The following CLMN variants were observed in gnomAD, a reference collection of about 807,000 sequenced individuals.
CLMN encodes the protein calmin, also known as calmin (calponin-like, transmembrane).
Under a neutral mutation model 92.7 loss-of-function variants are expected in CLMN, and 57 were observed. The ratio of observed to expected loss-of-function variants is 0.61; its 90% CI spans 0.50 to 0.77. The LOEUF (loss-of-function observed/expected upper bound fraction) is 0.77. CLMN is among the 30% of genes least tolerant of loss of function. The pLI is 0.00. For synonymous variants in CLMN, 466 were observed against 470.6 expected (o/e 0.99, Z 0.13); for missense variants, 1,158 against 1,237.5 (o/e 0.94, Z 0.96).
chr14:95,276,511 T>C (rs939417421), intron 1 of CLMN, among the ~76,000 whole-genome samples: 1 of 152,074 alleles, frequency 6.6e-6, no homozygotes, highest in Non-Finnish European at 1.5e-5. Flanking sequence ...GACTGACGAG[T>C]GGCTGGCTGA....
chr14:95,258,402 T>C (rs111206826), intron 1 of CLMN, among the ~76,000 whole-genome samples: 4,294 of 145,272 alleles, frequency 0.03, 86 homozygotes, highest in African/African-American at 0.051. Context: ...GTGTGTGTGA[T>C]CTGTGTGGTG....
intron 1 of CLMN, among the ~76,000 whole-genome samples, chr14:95,245,565 T>C (rs369022577): frequency 6.8e-6 from 1 of 148,078 alleles, no homozygotes; most frequent in African/African-American, 2.5e-5. Flanking sequence ...GATGGAGAGA[T>C]GGATGGATGA....
chr14:95,183,365 G>A lies in CLMN; in HGVS notation c.*8199C>T, dbSNP rs1223698035. 6.6e-6 allele frequency: 1 copy of A among 152,250 alleles called. No individual in the cohort carries two copies. The highest frequency in any genetic ancestry group is 1.9e-4 in the East Asian group (1 of 5,208). The allele number at this position is 152,250 out of a possible 1,614,324, so 9.4% of individuals were successfully genotyped here. A position where few individuals can be genotyped will look rare whatever the true frequency, so the allele number is the denominator to read the frequency against. On this transcript the variant is annotated 3_prime_UTR_variant, in exon 13 of 13. Coordinates refer to ENST00000298912, the MANE Select transcript of CLMN (RefSeq NM_024734.4). ...TTGATTTTTGCTGGGGCTAAAGGAA[G>A]TGGTAGCTATTGCAAACAGAATACA...
chr14:95,250,295 G>C (rs1337280824), intron 1 of CLMN, among the ~76,000 whole-genome samples: 1 of 152,208 alleles, frequency 6.6e-6, no homozygotes, highest in East Asian at 1.9e-4. Context: ...CATCATGTGT[G>C]ACGGTAAACA....
rs556793581 is a variant in CLMN at position 95,251,190 on chromosome 14, C to G, written c.83-21057G>C. Among the ~76,000 whole-genome samples, 3 of 152,280 alleles carry G rather than the reference C, an allele frequency of 2.0e-5. No individual in the cohort carries two copies. In the South Asian group the frequency reaches 6.2e-4, roughly 32 times the overall value. ...CAGGGCCAAAGGCAACGTCCATCTT[C>G]TTGGTTCTTAGACAATGATGATAAA... On this transcript the variant is annotated intron_variant, in intron 1 of 12. Transcript: ENST00000298912.
chr14:95,221,131 C>T (rs916053026), intron 4 of CLMN, among the ~76,000 whole-genome samples: 1 of 152,066 alleles, frequency 6.6e-6, no homozygotes, highest in Non-Finnish European at 1.5e-5. Context: ...ATTGGTGAAA[C>T]CTAATGAGAG....
chr14:95,314,672 C>T (rs74077902), intron 1 of CLMN, among the ~76,000 whole-genome samples: 8,574 of 152,272 alleles, frequency 0.056, 824 homozygotes, highest in East Asian at 0.45. Flanking sequence ...CTTCCGCAGC[C>T]GCACAATGCT....
At position 95,318,852 on chromosome 14, in the gene CLMN, T is replaced by C. The variant is rs113784000; in HGVS notation, c.82+859A>G. On this transcript the variant is annotated intron_variant, in intron 1 of 12. Transcript: ENST00000298912. ...AACACCTGTCTGTTGGGTGGATAGG[T>C]TGTGGAGGGGAAATTATGGGTGACT... Among the ~76,000 whole-genome samples the C allele has an allele frequency of 7.8e-3, 1,192 of 152,300 alleles. 17 individuals carry two copies. Among genetic ancestry groups the C allele is most frequent in the African/African-American group, 0.026 (1,061 of 41,558 alleles).
intron 4 of CLMN, among the ~76,000 whole-genome samples, chr14:95,216,311 G>A (rs1199683557): frequency 6.6e-6 from 1 of 152,170 alleles, no homozygotes; most frequent in African/African-American, 2.4e-5. Context: ...CTCCCACCAG[G>A]TCCCTCCCAC....
At chr14:95,303,953 G>A (rs1183841834) in intron 1 of CLMN, among the ~76,000 whole-genome samples, 6 of 152,180 alleles carry the variant, frequency 3.9e-5, no homozygotes, top group South Asian at 4.1e-4. Flanking sequence ...AACCCTCAAC[G>A]ATGGCAAGAA....
chr14:95,224,322 C>T (rs1210783499), intron 2 of CLMN, among the ~76,000 whole-genome samples: 3 of 151,938 alleles, frequency 2.0e-5, no homozygotes, highest in Admixed American at 6.6e-5. Flanking sequence ...GCTCTGTCGC[C>T]CAGGCTTAGG....
chr14:95,230,002 C>T (rs1330599188), intron 2 of CLMN, 70 bp downstream of exon 2: 4 of 1,422,368 alleles, frequency 2.8e-6, no homozygotes, highest in Non-Finnish European at 4.0e-6. Context: ...GCTCCCCCTC[C>T]ACTCTCTGGA....
chr14:95,255,632 C>G (rs1898968204), intron 1 of CLMN, among the ~76,000 whole-genome samples: 1 of 152,160 alleles, frequency 6.6e-6, no homozygotes, highest in African/African-American at 2.4e-5. Flanking sequence ...AATGAATACA[C>G]AGCTTTCTGT....
chr14:95,225,468 C>A (rs186682519), intron 2 of CLMN, among the ~76,000 whole-genome samples: 3 of 152,244 alleles, frequency 2.0e-5, no homozygotes, highest in Non-Finnish European at 2.9e-5. Context: ...CCTGGCACAG[C>A]CCCCACCTAC....
intron 2 of CLMN, among the ~76,000 whole-genome samples, chr14:95,228,706 G>A (rs895129973): frequency 5.3e-5 from 8 of 152,104 alleles, no homozygotes; most frequent in African/African-American, 1.4e-4. Context: ...ACAGGGTCTC[G>A]CTCTGCCGCC....
intron 9 of CLMN, among the ~76,000 whole-genome samples, chr14:95,201,565 CCTTTT>C (rs1346173836): frequency 2.1e-4 from 31 of 146,818 alleles, no homozygotes; most frequent in African/African-American, 5.9e-4. Flanking sequence ...GCTTTTTTTT[CCTTTT>C]TTTTTTTTTT....
rs188485590 is a variant in CLMN at position 95,275,387 on chromosome 14, C to T, written c.82+44324G>A. Among the ~76,000 whole-genome samples, 5 of 152,282 alleles carry T rather than the reference C, an allele frequency of 3.3e-5. No homozygotes were observed. In the East Asian group the frequency reaches 9.7e-4, roughly 29 times the overall value. ...GACAATGAAAGTGACCTTTGGCCAT[C>T]CTGACTGCTCATTAGATGCTAATTA... On this transcript the variant is annotated intron_variant, in intron 1 of 12. Coordinates refer to ENST00000298912, the MANE Select transcript of CLMN (RefSeq NM_024734.4).
intron 1 of CLMN, among the ~76,000 whole-genome samples, chr14:95,258,805 T>C (rs567215880): frequency 2.3e-4 from 34 of 144,908 alleles, no homozygotes; most frequent in Middle Eastern, 3.8e-3. Flanking sequence ...TGTGGTGTGG[T>C]TGTATGTGGA....
intron 1 of CLMN, among the ~76,000 whole-genome samples, chr14:95,314,496 A>G (rs1342055512): frequency 2.6e-5 from 4 of 151,910 alleles, no homozygotes; most frequent in Non-Finnish European, 5.9e-5. Context: ...CTCCTTGACC[A>G]CCTTCCCAGG....
Sources: allele counts gnomAD v4.1 joint callset (sites outside exome capture counted in the v4.1 genomes callset), GRCh38; gene constraint gnomAD v4.1.1; transcripts MANE v1.5; gene names NCBI Gene and HGNC (gene_info 2026-07-23, HGNC 2026-07-21).